Variants in COL5A1 observed in about 807,000 individuals in gnomAD.
COL5A1 encodes collagen alpha-1(V) chain.
In COL5A1, 16 loss-of-function variants were observed where a neutral mutation model predicts 263.7. The observed-to-expected ratio is 0.06, with a 90% CI of 0.04 to 0.09. The LOEUF (loss-of-function observed/expected upper bound fraction) is 0.09. COL5A1 is among the 10% of genes least tolerant of loss of function. The probability of loss-of-function intolerance (pLI) is 1.00; values close to 1 mark genes in which losing one functional copy is unlikely to be tolerated. For missense variants in COL5A1, 2,036 were observed against 2,540.5 expected (o/e 0.80, Z 4.27); for synonymous variants, 1,012 against 1,004.5 (o/e 1.01, Z -0.14).
intron 2 of COL5A1, among the ~76,000 whole-genome samples, chr9:134,692,398 G>T (rs1168462786): frequency 2.0e-5 from 3 of 152,190 alleles, no homozygotes; most frequent in African/African-American, 7.2e-5. Context: ...TAAGCTTCTG[G>T]GAGAGCATCT....
intron 31 of COL5A1, among the ~76,000 whole-genome samples, chr9:134,786,986 C>T (rs576169347): frequency 2.0e-5 from 3 of 152,328 alleles, no homozygotes; most frequent in Non-Finnish European, 2.9e-5. Flanking sequence ...AAGCCCCCTG[C>T]TCCGTGTGTG....
rs1833623991 is a variant in COL5A1, at chr9:134,700,306, T to C, written c.491+184T>C. On this transcript the variant is annotated intron_variant, in intron 3 of 65. Transcript: ENST00000371817. This position sits in a 1 kb window ranked among gnomAD's most constrained non-coding sequence, Gnocchi z 4.0. Reference sequence around the variant, plus strand: ...CCTGAAACCTGGGTTATGGTCTTGATTCATCCTCTGTGGCTCTGGGGAGTC... The same window carrying C: ...CCTGAAACCTGGGTTATGGTCTTGACTCATCCTCTGTGGCTCTGGGGAGTC... Among the ~76,000 whole-genome samples, 1 of 152,178 alleles carries C rather than the reference T, an allele frequency of 6.6e-6. No homozygotes were observed. The highest frequency in any genetic ancestry group is 2.4e-5 in the African/African-American group (1 of 41,444).
intron 1 of COL5A1, among the ~76,000 whole-genome samples, chr9:134,689,017 T>G (rs942408748): frequency 1.3e-5 from 2 of 152,168 alleles, no homozygotes; most frequent in Non-Finnish European, 2.9e-5. Context: ...CTGTACCTCC[T>G]TGTGGCCTGC....
chr9:134,803,550 G>C (rs1006479190), intron 39 of COL5A1, among the ~76,000 whole-genome samples: 1 of 152,184 alleles, frequency 6.6e-6, no homozygotes, highest in Non-Finnish European at 1.5e-5. Context: ...CAGGAGAATC[G>C]CTTGAACCCG....
intron 41 of COL5A1, among the ~76,000 whole-genome samples, chr9:134,805,646 G>A (rs956841033): frequency 2.6e-5 from 4 of 152,154 alleles, no homozygotes; most frequent in African/African-American, 9.7e-5. Flanking sequence ...TGGCCCTCAC[G>A]ATTAGGCCAG....
rs962513026 is a variant in COL5A1 at position 134,700,829 on chromosome 9, GCAGGGACCACGCTCC to G, written c.492-331_492-317del. On this transcript the variant is annotated intron_variant, in intron 3 of 65. Transcript: ENST00000371817. This position sits in a 1 kb window ranked among gnomAD's most constrained non-coding sequence, Gnocchi z 4.0. ...TTCTCCCGATGGCTGTGACCGCACC[GCAGGGACCACGCTCC>G]CAGGGACCACACTCCTGGGTCCCGA... Among the ~76,000 whole-genome samples the G allele has an allele frequency of 1.6e-4, 25 of 152,148 alleles. No homozygotes were observed. Among genetic ancestry groups the G allele is most frequent in the Non-Finnish European group, 2.8e-4 (19 of 68,022 alleles).
At chr9:134,697,119 A>C (rs969264224) in intron 2 of COL5A1, among the ~76,000 whole-genome samples, 1 of 151,932 alleles carries the variant, frequency 6.6e-6, no homozygotes, top group Non-Finnish European at 1.5e-5. Flanking sequence ...CCCACCCCTC[A>C]ACTGTGACTT....
chr9:134,682,216 C>A lies in COL5A1; in HGVS notation c.110-8696C>A, dbSNP rs1306152498. Among the ~76,000 whole-genome samples the A allele has an allele frequency of 2.6e-5, 4 of 152,158 alleles. No homozygotes were observed. The highest frequency in any genetic ancestry group is 9.7e-5 in the African/African-American group (4 of 41,440). On this transcript the variant is annotated intron_variant, in intron 1 of 65. Coordinates refer to ENST00000371817, the MANE Select transcript of COL5A1 (RefSeq NM_000093.5). This position sits in a 1 kb window ranked among gnomAD's most constrained non-coding sequence, Gnocchi z 5.1. ...CGGGCTGGGGGCTGGACTGGGTGTC[C>A]CCAGAGCCGACAGCACTATTCGGCT...
intron 48 of COL5A1, among the ~76,000 whole-genome samples, chr9:134,813,443 T>C (rs4841931): frequency 0.61 from 93,182 of 152,134 alleles, 29,762 homozygotes; most frequent in African/African-American, 0.81. Context: ...TCATTTTTTA[T>C]GATACAGAAA....
chr9:134,755,519 G>A lies in COL5A1; in HGVS notation c.1827+1193G>A, dbSNP rs1014230380. 1.3e-5 allele frequency among the ~76,000 whole-genome samples: 2 copies of A among 152,196 alleles called. No homozygotes were observed. The highest frequency in any genetic ancestry group is 2.4e-5 in the African/African-American group (1 of 41,446). The stretch of plus-strand genomic sequence containing the variant: ...GAGAGGGGCTTGGAGCTGAGGGGTC[G>A]ATTCCAAAGTGGTCTGAGCAGCCTC... On this transcript the variant is annotated intron_variant, in intron 16 of 65. Coordinates refer to ENST00000371817, the MANE Select transcript of COL5A1 (RefSeq NM_000093.5). This position sits in a 1 kb window ranked among gnomAD's most constrained non-coding sequence, Gnocchi z 4.1.
intron 9 of COL5A1, among the ~76,000 whole-genome samples, chr9:134,736,426 T>G (rs962248409): frequency 1.2e-4 from 18 of 152,072 alleles, no homozygotes; most frequent in African/African-American, 4.3e-4. Context: ...AAGAGCCCAC[T>G]CCCACCCTAA....
chr9:134,738,050 C>T (rs1389118222), intron 9 of COL5A1, among the ~76,000 whole-genome samples: 1 of 152,166 alleles, frequency 6.6e-6, no homozygotes, highest in African/African-American at 2.4e-5. Flanking sequence ...CCTATTTTTC[C>T]CTTATCCTTC....
At chr9:134,784,467 C>T (rs556163313) in intron 29 of COL5A1, among the ~76,000 whole-genome samples, 46 of 152,308 alleles carry the variant, frequency 3.0e-4, no homozygotes, top group South Asian at 8.3e-4. Context: ...GGAAGTTGGA[C>T]GAGGCGGAAT....
intron 1 of COL5A1, among the ~76,000 whole-genome samples, chr9:134,662,799 G>A (rs1379193432): frequency 6.6e-6 from 1 of 152,220 alleles, no homozygotes; most frequent in Non-Finnish European, 1.5e-5. Flanking sequence ...GCTGCAAAGC[G>A]ATGCTCTGAA....
Position 134,696,749 on chromosome 9 carries a change from G to A in COL5A1, c.278-3160G>A, listed in dbSNP as rs2132562629. Among the ~76,000 whole-genome samples, 1 of 152,258 alleles carries A rather than the reference G, an allele frequency of 6.6e-6. No homozygotes were observed. Among genetic ancestry groups the A allele is most frequent in the Non-Finnish European group, 1.5e-5 (1 of 68,026 alleles). On this transcript the variant is annotated intron_variant, in intron 2 of 65. Coordinates refer to ENST00000371817, the MANE Select transcript of COL5A1 (RefSeq NM_000093.5). This position sits in a 1 kb window ranked among gnomAD's most constrained non-coding sequence, Gnocchi z 4.3. ...CCTACTGCATACCTAAAATGCTCTA[G>A]TGCCTTTGGACTTCAGCAGAAGTAA...
At position 134,700,624 on chromosome 9, in the gene COL5A1, C is replaced by T. The variant is rs1193436999; in HGVS notation, c.491+502C>T. Reference sequence around the variant, plus strand: ...AGGTCATGCCCTGATAATCTCCGAACGTCTTCAATACATGATTTCTGAATT... The same window carrying T: ...AGGTCATGCCCTGATAATCTCCGAATGTCTTCAATACATGATTTCTGAATT... On this transcript the variant is annotated intron_variant, in intron 3 of 65. Coordinates refer to ENST00000371817, the MANE Select transcript of COL5A1 (RefSeq NM_000093.5). The surrounding 1 kb of genome is among the most constrained non-coding windows in gnomAD (Gnocchi z 4.0). 2.0e-5 allele frequency among the ~76,000 whole-genome samples: 3 copies of T among 152,188 alleles called. No individual in the cohort carries two copies. Among genetic ancestry groups the T allele is most frequent in the East Asian group, 1.9e-4 (1 of 5,190 alleles).
In COL5A1 at chr9:134,819,034, C is replaced by T; in HGVS notation, c.4427C>T (p.Ser1476Phe). 1 of 1,613,432 alleles carries T rather than the reference C, an allele frequency of 6.2e-7. No individual in the cohort carries two copies. The highest frequency in any genetic ancestry group is 1.3e-5 in the African/African-American group (1 of 75,070). ...GGACTTCCCGGCCTCAAAGGAGATT[C>T]TGGTCCCAAAGGTGAAAAGGTAAGA... ...PPGLPGLKGD[S>F]GPKGEKGHPG... Residue 1476 changes from serine to phenylalanine, a missense_variant, in exon 57 of 66, where the codon TCT (serine) becomes TTT (phenylalanine). By Grantham distance (155) the Ser-to-Phe change is radical (BLOSUM62 -2). Around this residue, in one of 3 missense-constraint regions of COL5A1, gnomAD observed 1,078 missense variants for 1,521.4 expected, o/e 0.71. Transcript: ENST00000371817.
chr9:134,685,292 A>ACCAT, intron 1 of COL5A1, among the ~76,000 whole-genome samples: 1 of 66,208 alleles, frequency 1.5e-5, no homozygotes, highest in African/African-American at 5.0e-5. Flanking sequence ...CCATCCATCC[A>ACCAT]CCATCCATCC....
In COL5A1 at chr9:134,768,390, G is replaced by A. The variant is rs1224669791; in HGVS notation, c.2233-20G>A. ...AGCCTAGGGAGGGCATCTCCTCATG[G>A]AGTCTCTGGTTTGTTCTAGGGTCCC... On this transcript the variant is annotated intron_variant, in intron 24 of 65. Coordinates refer to ENST00000371817, the MANE Select transcript of COL5A1 (RefSeq NM_000093.5). 1 of 1,612,796 alleles carries A rather than the reference G, an allele frequency of 6.2e-7. No individual in the cohort carries two copies. Among genetic ancestry groups the A allele is most frequent in the East Asian group, 2.2e-5 (1 of 44,858 alleles).
Sources: gnomAD v4.1 joint callset for allele counts (sites outside exome capture counted in the v4.1 genomes callset) on GRCh38, gnomAD v4.1.1 for gene constraint, gnomAD v4.1.1 regional missense constraint, Gnocchi (gnomAD v3.1) non-coding constraint, MANE v1.5 for transcripts, NCBI Gene and HGNC (gene_info 2026-07-23, HGNC 2026-07-21) for gene names.